PAPPA2: variants seen among roughly 807,000 people sequenced by gnomAD.
PAPPA2 encodes pappalysin-2.
Under a neutral mutation model 176.4 loss-of-function variants are expected in PAPPA2, and 86 were observed. The ratio of observed to expected loss-of-function variants is 0.49; its 90% CI spans 0.41 to 0.58. The LOEUF is 0.58. Among genes scored for constraint, PAPPA2 ranks in the 20% least tolerant of loss-of-function variants. The probability of loss-of-function intolerance (pLI) is 0.00; values close to 1 mark genes in which losing one functional copy is unlikely to be tolerated. For synonymous variants in PAPPA2, 809 were observed against 852.2 expected, an observed-to-expected ratio of 0.95 and a Z score of 0.88; for missense variants, 2,073 against 2,256.9, an observed-to-expected ratio of 0.92 and a Z score of 1.65.
chr1:176,675,668 A>G (rs189656100), intron 4 of PAPPA2, among the ~76,000 whole-genome samples: 2 of 152,256 alleles, frequency 1.3e-5, no homozygotes, highest in African/African-American at 4.8e-5. Flanking sequence ...TCTATTGTAA[A>G]TTAGAGTTCT....
intron 2 of PAPPA2, among the ~76,000 whole-genome samples, chr1:176,574,151 T>A (rs10798461): frequency 0.35 from 53,396 of 151,936 alleles, 9,927 homozygotes; most frequent in South Asian, 0.58. Context: ...ACAAGGCAGG[T>A]TTTGCCAGCT....
Position 176,692,239 on chromosome 1 carries a change from C to CCA in PAPPA2, c.2547_2548dup (p.Pro850HisfsTer92). The CCA allele has an allele frequency of 6.2e-7, 1 of 1,614,046 alleles. No individual in the cohort carries two copies. Among genetic ancestry groups the CCA allele is most frequent in the Non-Finnish European group, 8.5e-7 (1 of 1,179,898 alleles). ...CAGAAAGCCCACCCCCATCCCCATT[C>CCA]CACCTATGGTCATCGGACAGACCAA... On this transcript the variant is annotated frameshift_variant, in exon 6 of 23. Coordinates refer to ENST00000367662, the MANE Select transcript of PAPPA2 (RefSeq NM_020318.3). LOFTEE classifies it high-confidence loss of function.
chr1:176,647,733 G>A lies in PAPPA2; in HGVS notation c.1992-23237G>A, dbSNP rs1384456293. On this transcript the variant is annotated intron_variant, in intron 3 of 22. Coordinates refer to ENST00000367662, the MANE Select transcript of PAPPA2 (RefSeq NM_020318.3). ...AAAATGAGTTGGCTATAAATGCAAG[G>A]ATTAATATCTGGGTTCTCTACTTTG... Among the ~76,000 whole-genome samples the A allele has an allele frequency of 2.0e-5, 3 of 151,558 alleles. No homozygotes were observed. In the South Asian group the frequency reaches 6.2e-4, roughly 31 times the overall value.
chr1:176,565,718 C>T (rs1025141054), intron 2 of PAPPA2, among the ~76,000 whole-genome samples: 6 of 152,250 alleles, frequency 3.9e-5, no homozygotes, highest in African/African-American at 9.6e-5. Flanking sequence ...TGGGCTTCTG[C>T]GACATCACTG....
intron 3 of PAPPA2, among the ~76,000 whole-genome samples, chr1:176,601,764 T>A (rs1456824132): frequency 1.3e-5 from 2 of 152,206 alleles, no homozygotes; most frequent in Non-Finnish European, 2.9e-5. Flanking sequence ...CCCAAAGGAA[T>A]TTCTGTACCC....
At chr1:176,794,374 A>G (rs1432246414) in intron 20 of PAPPA2, among the ~76,000 whole-genome samples, 1 of 152,198 alleles carries the variant, frequency 6.6e-6, no homozygotes, top group Non-Finnish European at 1.5e-5. Context: ...CACATGTGAA[A>G]TGTCTTGCAC....
At chr1:176,682,648 T>A (rs1040095731) in intron 4 of PAPPA2, among the ~76,000 whole-genome samples, 10 of 151,810 alleles carry the variant, frequency 6.6e-5, no homozygotes, top group Admixed American at 3.3e-4. Flanking sequence ...TTATTAGCTA[T>A]AAAAAATAAA....
Position 176,637,403 on chromosome 1 carries a change from G to A in PAPPA2, c.1992-33567G>A, listed in dbSNP as rs189845576. ...GGATAACCTGGATATAAACAGATGG[G>A]TTAGAAGACTCATGATGTTGCTTCA... On this transcript the variant is annotated intron_variant, in intron 3 of 22. Transcript: ENST00000367662. 6.8e-3 allele frequency among the ~76,000 whole-genome samples: 1,041 copies of A among 152,246 alleles called. 4 individuals are homozygous for A. The highest frequency in any genetic ancestry group is 0.01 in the Non-Finnish European group (714 of 68,012).
chr1:176,660,486 A>G (rs997101699), intron 3 of PAPPA2, among the ~76,000 whole-genome samples: 4 of 152,156 alleles, frequency 2.6e-5, no homozygotes, highest in Admixed American at 6.6e-5. Context: ...CTTACATCGT[A>G]TGAATTCTTG....
intron 12 of PAPPA2, among the ~76,000 whole-genome samples, chr1:176,725,922 G>C (rs1476404104): frequency 6.6e-6 from 1 of 152,110 alleles, no homozygotes; most frequent in African/African-American, 2.4e-5. Flanking sequence ...TGGGACTACA[G>C]GTGCCCGCCA....
intron 2 of PAPPA2, among the ~76,000 whole-genome samples, chr1:176,574,781 A>G (rs1652553539): frequency 6.6e-6 from 1 of 152,218 alleles, no homozygotes; most frequent in African/African-American, 2.4e-5. Flanking sequence ...TGTGTACGAT[A>G]GTGGCCACAT....
intron 1 of PAPPA2, among the ~76,000 whole-genome samples, chr1:176,525,686 T>C (rs1649462292): frequency 6.6e-6 from 1 of 152,188 alleles, no homozygotes. Context: ...ATTTCAAAAT[T>C]CCTAGTTACT....
At chr1:176,800,844 C>A (rs551639675) in intron 21 of PAPPA2, among the ~76,000 whole-genome samples, 1 of 152,234 alleles carries the variant, frequency 6.6e-6, no homozygotes, top group South Asian at 2.1e-4. Flanking sequence ...GACCTGTTGT[C>A]CACTGTTGAT....
rs1571330819 is a variant in PAPPA2, at chr1:176,789,818, G to A, written c.4725G>A (p.Leu1575=). The A allele has an allele frequency of 6.2e-7, 1 of 1,613,584 alleles. No individual in the cohort carries two copies. Among genetic ancestry groups the A allele is most frequent in the Admixed American group, 1.7e-5 (1 of 59,954 alleles). ...TTTTATGTTTTATCAGCAAGCTCCT[G>A]AAGATACAATGCCTGGAAGGTGGAA... ...SAEGKVRNKL[L]KIQCLEGGIW... is the part of the protein sequence containing the mutation. Residue 1575 remains leucine (L), a synonymous_variant, in exon 18 of 23, where the codon CTG becomes CTA. Coordinates refer to ENST00000367662, the MANE Select transcript of PAPPA2 (RefSeq NM_020318.3).
chr1:176,770,824 G>A (rs1664191639), intron 16 of PAPPA2, 143 bp from the exon 17 acceptor site: 1 of 711,352 alleles, frequency 1.4e-6, no homozygotes, highest in African/African-American at 1.8e-5. Context: ...ATTTGATGTG[G>A]GATTTTTGAG....
intron 3 of PAPPA2, among the ~76,000 whole-genome samples, chr1:176,618,132 C>T (rs1573135746): frequency 6.6e-6 from 1 of 152,124 alleles, no homozygotes; most frequent in South Asian, 2.1e-4. Flanking sequence ...ATGTTTCTGA[C>T]CCCAGTAAGT....
Position 176,692,400 on chromosome 1 carries a change from G to A in PAPPA2, c.2624+82G>A, listed in dbSNP as rs547978769. ...GAATGAGGGGAAGAATATGAATCCA[G>A]GGGAACTCCAATTTGGAAGTATAAA... is the stretch of plus-strand genomic sequence containing the variant. On this transcript the variant is annotated intron_variant, in intron 6 of 22. Coordinates refer to ENST00000367662, the MANE Select transcript of PAPPA2 (RefSeq NM_020318.3). 3 of 1,361,402 alleles carry A rather than the reference G, an allele frequency of 2.2e-6. No individual in the cohort carries two copies. The Admixed American group carries it at 5.8e-5, about 26-fold the overall frequency. 84.3% of individuals were successfully genotyped at this position (1,361,402 alleles called of 1,614,324 possible). A position where few individuals can be genotyped will look rare whatever the true frequency, so the allele number is the denominator to read the frequency against.
At chr1:176,502,650 C>T (rs1479393703) in intron 1 of PAPPA2, among the ~76,000 whole-genome samples, 2 of 152,170 alleles carry the variant, frequency 1.3e-5, no homozygotes, top group Admixed American at 6.6e-5. Context: ...ACAGTGCAAT[C>T]TCTCCATATG....
intron 1 of PAPPA2, among the ~76,000 whole-genome samples, chr1:176,510,186 C>T (rs1156512257): frequency 1.3e-5 from 2 of 152,084 alleles, no homozygotes; most frequent in African/African-American, 4.8e-5. Context: ...TACTAAGACA[C>T]ATCATAACAA....
Sources: gnomAD v4.1 joint callset for allele counts (sites outside exome capture counted in the v4.1 genomes callset) on GRCh38, gnomAD v4.1.1 for gene constraint, MANE v1.5 for transcripts, NCBI Gene and HGNC (gene_info 2026-07-23, HGNC 2026-07-21) for gene names.